CIDEA: variants seen among roughly 807,000 people sequenced by gnomAD.
CIDEA encodes the protein lipid transferase CIDEA.
A neutral mutation model predicts 18.2 loss-of-function variants in CIDEA; 10 were observed. The observed-to-expected ratio is 0.55, with a 90% CI of 0.34 to 0.93. CIDEA has a LOEUF of 0.93. CIDEA is among the 40% of genes least tolerant of loss of function. The probability of loss-of-function intolerance (pLI) is 0.02; values close to 1 mark genes in which losing one functional copy is unlikely to be tolerated. For synonymous variants in CIDEA, 128 were observed against 124.8 expected, an observed-to-expected ratio of 1.03 and a Z score of -0.17; for missense variants, 309 against 293.1, an observed-to-expected ratio of 1.05 and a Z score of -0.40.
intron 2 of CIDEA, 151 bp downstream of exon 2, chr18:12,263,120 G>A (rs1270789998): frequency 2.1e-5 from 16 of 759,512 alleles, no homozygotes; most frequent in African/African-American, 3.5e-5. Flanking sequence ...AATTGGGAAT[G>A]ACTGCTGGTG....
In CIDEA at chr18:12,266,331, T is replaced by G. The variant is rs566213380; in HGVS notation, c.330+1878T>G. ...TTAGCCTGGCGTAGTGGTGCATACC[T>G]CTAGTCCCAGCTACTTGAGAGGCTG... is the stretch of plus-strand genomic sequence containing the variant. On this transcript the variant is annotated intron_variant, in intron 3 of 4. Transcript: ENST00000320477. Among the ~76,000 whole-genome samples, 10 of 152,264 alleles carry G rather than the reference T, an allele frequency of 6.6e-5. No homozygotes were observed. The East Asian group carries it at 1.9e-3, about 29-fold the overall frequency.
At chr18:12,272,075 G>A (rs1912550824) in intron 3 of CIDEA, among the ~76,000 whole-genome samples, 1 of 149,778 alleles carries the variant, frequency 6.7e-6, no homozygotes, top group Admixed American at 6.7e-5. Flanking sequence ...CACGTTTCCC[G>A]GCTGAGGGCT....
rs1175358304 is a variant in CIDEA, at chr18:12,277,385, C to A, written c.*115C>A. ...ACATGCACTTGGAGGCCGCTGGTCACGCTGCTCAGGAGTGGTGCCCAGAAA... is the reference window on the plus strand; with the variant it reads ...ACATGCACTTGGAGGCCGCTGGTCAAGCTGCTCAGGAGTGGTGCCCAGAAA... On this transcript the variant is annotated 3_prime_UTR_variant, in exon 5 of 5. Transcript: ENST00000320477. 72 of 1,176,516 alleles carry A rather than the reference C, an allele frequency of 6.1e-5. No homozygotes were observed. Among genetic ancestry groups the A allele is most frequent in the Non-Finnish European group, 8.5e-5 (71 of 831,590 alleles). 72.9% of individuals were successfully genotyped at this position (1,176,516 alleles called of 1,614,324 possible).
intron 1 of CIDEA, among the ~76,000 whole-genome samples, chr18:12,259,715 G>A (rs553816842): frequency 6.6e-6 from 1 of 152,136 alleles, no homozygotes; most frequent in South Asian, 2.1e-4. Context: ...ACAAAAATTA[G>A]CCAGGCATGG....
intron 1 of CIDEA, chr18:12,255,024 G>T (rs1011952807): frequency 9.7e-7 from 1 of 1,033,372 alleles, no homozygotes; most frequent in East Asian, 6.1e-5. Context: ...TGCCTGGGGA[G>T]CAGGGGGGAC....
At chr18:12,262,484 T>G (rs1374026783) in intron 1 of CIDEA, among the ~76,000 whole-genome samples, 1 of 152,220 alleles carries the variant, frequency 6.6e-6, no homozygotes, top group African/African-American at 2.4e-5. Context: ...TAGAAATCAT[T>G]CTTTTGGATT....
At chr18:12,258,327 A>G (rs1912095059) in intron 1 of CIDEA, among the ~76,000 whole-genome samples, 1 of 152,230 alleles carries the variant, frequency 6.6e-6, no homozygotes, top group Non-Finnish European at 1.5e-5. Flanking sequence ...GTGCTTACGA[A>G]GGCGTGAGCA....
chr18:12,268,395 T>TA (rs1912419686), intron 3 of CIDEA, among the ~76,000 whole-genome samples: 1 of 148,912 alleles, frequency 6.7e-6, no homozygotes, highest in African/African-American at 2.5e-5. Flanking sequence ...TTTTTTTTTT[T>TA]AATTTGTTTG....
At chr18:12,255,764 C>G (rs988437258) in intron 1 of CIDEA, among the ~76,000 whole-genome samples, 2 of 152,210 alleles carry the variant, frequency 1.3e-5, no homozygotes, top group African/African-American at 4.8e-5. Flanking sequence ...TCAGGCTGAG[C>G]CTGTCCCTGC....
intron 3 of CIDEA, 68 bp downstream of exon 3, chr18:12,264,521 A>G: frequency 8.1e-7 from 1 of 1,232,932 alleles, no homozygotes; most frequent in Non-Finnish European, 1.1e-6. Context: ...TGTGTGCCCT[A>G]CTTGGGTGTT....
At chr18:12,272,520 G>A (rs540741567) in intron 3 of CIDEA, among the ~76,000 whole-genome samples, 1 of 151,538 alleles carries the variant, frequency 6.6e-6, no homozygotes, top group Non-Finnish European at 1.5e-5. Context: ...GCTAATTTTT[G>A]TATTTTTAGT....
intron 3 of CIDEA, among the ~76,000 whole-genome samples, chr18:12,271,261 G>A (rs1237687882): frequency 1.3e-5 from 2 of 152,154 alleles, no homozygotes; most frequent in African/African-American, 4.8e-5. Flanking sequence ...ACTGGGGCGG[G>A]GTTGGGGTGG....
intron 3 of CIDEA, 131 bp from the exon 4 acceptor site, chr18:12,273,962 G>C: frequency 1.1e-6 from 1 of 911,982 alleles, no homozygotes; most frequent in South Asian, 1.6e-5. Flanking sequence ...TCTCTCTATC[G>C]ATTAGCCACG....
intron 3 of CIDEA, among the ~76,000 whole-genome samples, chr18:12,265,963 A>G (rs530864522): frequency 6.6e-6 from 1 of 152,314 alleles, no homozygotes; most frequent in Admixed American, 6.5e-5. Context: ...AAATAAATAA[A>G]TTAATTAAAT....
intron 3 of CIDEA, among the ~76,000 whole-genome samples, chr18:12,265,219 A>C (rs911161052): frequency 2.0e-5 from 3 of 152,270 alleles, no homozygotes; most frequent in Admixed American, 6.5e-5. Flanking sequence ...TAGCCCAAAA[A>C]ACCTTCTCAG....
intron 1 of CIDEA, among the ~76,000 whole-genome samples, chr18:12,256,551 C>G (rs1339836920): frequency 6.6e-6 from 1 of 152,232 alleles, no homozygotes; most frequent in East Asian, 1.9e-4. Context: ...ACAAAGTCTG[C>G]TCTGTTCCTG....
At chr18:12,263,308 C>A (rs1265642327) in intron 2 of CIDEA, among the ~76,000 whole-genome samples, 1 of 152,120 alleles carries the variant, frequency 6.6e-6, no homozygotes, top group East Asian at 1.9e-4. Context: ...GGTGGGCCAA[C>A]TCTGTGAGCA....
chr18:12,263,020 C>G, intron 2 of CIDEA, 51 bp downstream of exon 2: 1 of 1,582,642 alleles, frequency 6.3e-7, no homozygotes, highest in Non-Finnish European at 8.6e-7. Context: ...GCCCTGCACT[C>G]ACACAGGGCC....
chr18:12,254,554 C>G (rs1322342499), intron 1 of CIDEA, 133 bp downstream of exon 1: 2 of 908,936 alleles, frequency 2.2e-6, no homozygotes, highest in African/African-American at 3.1e-5. Context: ...TTCTCTTGCG[C>G]TCCGCGACCC....
Sources: gnomAD v4.1 joint callset for allele counts (sites outside exome capture counted in the v4.1 genomes callset) on GRCh38, gnomAD v4.1.1 for gene constraint, MANE v1.5 for transcripts, NCBI Gene and HGNC (gene_info 2026-07-23, HGNC 2026-07-21) for gene names.